The following CD3E variants were observed in gnomAD, a reference collection of about 807,000 sequenced individuals.
CD3E encodes CD3 epsilon subunit of T-cell receptor complex.
CD3E carries 16 observed loss-of-function variants against 34.7 expected under a neutral mutation model. The observed-to-expected ratio is 0.46, with a 90% CI of 0.31 to 0.70. The LOEUF (loss-of-function observed/expected upper bound fraction) is 0.70, where lower values mean the gene tolerates loss of function less well. CD3E is among the 30% of genes least tolerant of loss of function. The pLI is 0.05. For missense variants in CD3E, 223 were observed against 253.9 expected, an observed-to-expected ratio of 0.88 and a Z score of 0.83; for synonymous variants, 70 against 90.8, an observed-to-expected ratio of 0.77 and a Z score of 1.30.
intron 4 of CD3E, among the ~76,000 whole-genome samples, chr11:118,311,853 G>A (rs963543863): frequency 2.0e-5 from 3 of 152,098 alleles, no homozygotes; most frequent in Admixed American, 1.3e-4. Flanking sequence ...GGAATTTTTC[G>A]GCTTTAGGAC....
At chr11:118,312,926 C>T in intron 6 of CD3E, 60 bp downstream of exon 6, 1 of 1,600,112 alleles carries the variant, frequency 6.2e-7, no homozygotes, top group Non-Finnish European at 8.6e-7. Context: ...TTCAAAAGGG[C>T]ATTCTCAGTG....
chr11:118,308,118 G>A (rs944201782), intron 3 of CD3E, among the ~76,000 whole-genome samples: 4 of 151,500 alleles, frequency 2.6e-5, no homozygotes, highest in African/African-American at 7.3e-5. Flanking sequence ...GTAGTGAGCC[G>A]AGATCACACC....
chr11:118,313,136 C>A, intron 6 of CD3E: 1 of 492,714 alleles, frequency 2.0e-6, no homozygotes, highest in South Asian at 2.1e-5. Flanking sequence ...TCATTTGCAC[C>A]GCATCACACC....
chr11:118,313,559 T>C, intron 6 of CD3E, 148 bp from the exon 7 acceptor site: 2 of 761,330 alleles, frequency 2.6e-6, no homozygotes. Flanking sequence ...GTCAATGTTG[T>C]TCTAAACATA....
At position 118,315,589 on chromosome 11, in the gene CD3E, T is replaced by TA; in HGVS notation, c.*47_*48insA. 1 of 1,463,688 alleles carries TA rather than the reference T, an allele frequency of 6.8e-7. No homozygotes were observed. The highest frequency in any genetic ancestry group is 9.5e-7 in the Non-Finnish European group (1 of 1,058,100). The allele number at this position is 1,463,688 out of a possible 1,614,324, so 90.7% of individuals were successfully genotyped here. A position where few individuals can be genotyped will look rare whatever the true frequency, so the allele number is the denominator to read the frequency against. On this transcript the variant is annotated 3_prime_UTR_variant, in exon 9 of 9. Coordinates refer to ENST00000361763, the MANE Select transcript of CD3E (RefSeq NM_000733.4). The stretch of plus-strand genomic sequence containing the variant: ...CCGCTGGCCCAGGTCTCCTCTCCAG[T>TA]CCCCCTGCGACTCCCTGTTTCCTGG...
intron 5 of CD3E, 95 bp from the exon 6 acceptor site, chr11:118,312,523 A>G (rs1948141152): frequency 7.1e-7 from 1 of 1,409,522 alleles, no homozygotes; most frequent in Non-Finnish European, 1.0e-6. Flanking sequence ...TAGATGACAG[A>G]TGACTTCCTG....
chr11:118,315,082 G>A (rs1948158932), intron 8 of CD3E, among the ~76,000 whole-genome samples: 1 of 151,932 alleles, frequency 6.6e-6, no homozygotes, highest in African/African-American at 2.4e-5. Context: ...GCATGGCAGA[G>A]GATCACCAGG....
At chr11:118,309,282 AG>A (rs1948123367) in intron 4 of CD3E, among the ~76,000 whole-genome samples, 1 of 152,224 alleles carries the variant, frequency 6.6e-6, no homozygotes, top group Non-Finnish European at 1.5e-5. Context: ...CTGACATAAA[AG>A]GCAGTAGGAG....
rs2231449 is a variant in CD3E, at chr11:118,315,590, C to A, written c.*48C>A. The stretch of plus-strand genomic sequence containing the variant: ...CGCTGGCCCAGGTCTCCTCTCCAGT[C>A]CCCCTGCGACTCCCTGTTTCCTGGG... On this transcript the variant is annotated 3_prime_UTR_variant, in exon 9 of 9. Transcript: ENST00000361763. The A allele has an allele frequency of 0.026, 37,396 of 1,438,796 alleles. 588 individuals are homozygous for A. The highest frequency in any genetic ancestry group is 0.059 in the Admixed American group (3,243 of 54,674). 89.1% of individuals were successfully genotyped at this position (1,438,796 alleles called of 1,614,324 possible).
chr11:118,305,780 G>T (rs1487208538), intron 2 of CD3E, among the ~76,000 whole-genome samples: 1 of 152,150 alleles, frequency 6.6e-6, no homozygotes, highest in Non-Finnish European at 1.5e-5. Context: ...AGTAAGTGCC[G>T]AAGCCAATCT....
At chr11:118,312,025 C>A in intron 4 of CD3E, 128 bp from the exon 5 acceptor site, 1 of 804,296 alleles carries the variant, frequency 1.2e-6, no homozygotes. Flanking sequence ...ACTCGGGGTT[C>A]CTAAATGGAT....
In CD3E at chr11:118,314,431, C is replaced by G; in HGVS notation, c.521-17C>G. On this transcript the variant is annotated splice_polypyrimidine_tract_variant and intron_variant, in intron 7 of 8. Transcript: ENST00000361763. ...TTCCCTCATGGGAATGAAATGTTTC[C>G]CCTCCTTCCTCCGCAGGACAAAACA... The G allele has an allele frequency of 6.2e-7, 1 of 1,612,320 alleles. No homozygotes were observed. Among genetic ancestry groups the G allele is most frequent in the Non-Finnish European group, 8.5e-7 (1 of 1,178,582 alleles).
chr11:118,312,705 A>T lies in CD3E; in HGVS notation c.191A>T (p.Lys64Ile). The change falls in exon 6 of 9, where the codon AAA (lysine) becomes ATA (isoleucine). Residue 64 changes from lysine (K) to isoleucine (I), a missense_variant. Physicochemically the swap from Lys to Ile is moderately radical, Grantham distance 102 (BLOSUM62 -3). Transcript: ENST00000361763. ...GAAATACTATGGCAACACAATGATA[A>T]AAACATAGGCGGTGATGAGGATGAT... Reference protein sequence around the residue: ...GSEILWQHNDKNIGGDEDDKN... With the variant: ...GSEILWQHNDINIGGDEDDKN... 1 of 1,614,196 alleles carries T rather than the reference A, an allele frequency of 6.2e-7. No homozygotes were observed. Among genetic ancestry groups the T allele is most frequent in the East Asian group, 2.2e-5 (1 of 44,892 alleles).
intron 5 of CD3E, 21 bp downstream of exon 5, chr11:118,312,191 T>C (rs767097407): frequency 6.2e-7 from 1 of 1,606,614 alleles, no homozygotes; most frequent in Admixed American, 1.7e-5. Flanking sequence ...TGGTCTTTTA[T>C]TTATGCCCTG....
chr11:118,314,062 A>G (rs180888533), intron 7 of CD3E, among the ~76,000 whole-genome samples, 188 bp downstream of exon 7: 4 of 152,158 alleles, frequency 2.6e-5, no homozygotes, highest in East Asian at 1.9e-4. Flanking sequence ...CCTCCTTCCC[A>G]TCCTAGAAAA....
intron 7 of CD3E, 78 bp from the exon 8 acceptor site, chr11:118,314,370 T>C (rs1370058098): frequency 8.3e-7 from 1 of 1,200,558 alleles, no homozygotes; most frequent in Non-Finnish European, 1.2e-6. Context: ...ATTCTCTATC[T>C]GGGTCTCACT....
chr11:118,313,530 C>A (rs1822155121), intron 6 of CD3E, 177 bp from the exon 7 acceptor site: 2 of 660,284 alleles, frequency 3.0e-6, no homozygotes, highest in Admixed American at 2.1e-5. Context: ...CCTCTACCCA[C>A]GGCCACCACT....
Position 118,304,896 on chromosome 11 carries a change from G to C in CD3E, c.-57G>C. Reference sequence around the variant, plus strand: ...CATCTGTTTTGCTTTTTTTCCAGAAGTAGTAAGTCTGCTGGCCTCCGCCAT... The same window carrying C: ...CATCTGTTTTGCTTTTTTTCCAGAACTAGTAAGTCTGCTGGCCTCCGCCAT... On this transcript the variant is annotated splice_region_variant and 5_prime_UTR_variant, in exon 2 of 9. Transcript: ENST00000361763. 2 of 1,530,730 alleles carry C rather than the reference G, an allele frequency of 1.3e-6. No homozygotes were observed. The highest frequency in any genetic ancestry group is 1.1e-5 in the South Asian group (1 of 89,492). 94.8% of individuals were successfully genotyped at this position (1,530,730 alleles called of 1,614,324 possible).
intron 2 of CD3E, 99 bp downstream of exon 2, chr11:118,305,100 A>G (rs1948098598): frequency 9.3e-7 from 1 of 1,079,244 alleles, no homozygotes; most frequent in Admixed American, 1.7e-5. Context: ...AGCCTCATTT[A>G]CCAGATGTAA....
Sources: gnomAD v4.1 joint callset for allele counts (sites outside exome capture counted in the v4.1 genomes callset) on GRCh38, gnomAD v4.1.1 for gene constraint, MANE v1.5 for transcripts, NCBI Gene and HGNC (gene_info 2026-07-23, HGNC 2026-07-21) for gene names.